NCOA6: variants seen among roughly 807,000 people sequenced by gnomAD.
NCOA6 encodes the protein NRC RAP250.
In NCOA6, 49 loss-of-function variants were observed where a neutral mutation model predicts 171.4. That is an observed-to-expected ratio of 0.29 (90% CI 0.23 to 0.36). NCOA6 has a LOEUF of 0.36. NCOA6 is among the 10% of genes least tolerant of loss of function. The probability of loss-of-function intolerance (pLI) is 1.00; values close to 1 mark genes in which losing one functional copy is unlikely to be tolerated. For missense variants in NCOA6, 2,248 were observed against 2,554.5 expected, an observed-to-expected ratio of 0.88 and a Z score of 2.59; for synonymous variants, 910 against 927.5, an observed-to-expected ratio of 0.98 and a Z score of 0.34.
At chr20:34,774,807 T>TTTATAACA (rs1292721867) in intron 4 of NCOA6, among the ~76,000 whole-genome samples, 2 of 152,284 alleles carry the variant, frequency 1.3e-5, no homozygotes, top group African/African-American at 4.8e-5. Flanking sequence ...CTCTTCCGAG[T>TTTATAACA]TTATAACAAT....
At chr20:34,749,372 T>C in intron 9 of NCOA6, 31 bp downstream of exon 9, 7 of 1,556,664 alleles carry the variant, frequency 4.5e-6, no homozygotes, top group Non-Finnish European at 6.1e-6. Flanking sequence ...AACAAATGAA[T>C]AAAATTTGAG....
intron 1 of NCOA6, 142 bp downstream of exon 1, chr20:34,825,330 C>T (rs1270867760): frequency 2.7e-5 from 4 of 149,352 alleles, no homozygotes; most frequent in Non-Finnish European, 6.0e-5. Context: ...CGGGCCCGCT[C>T]TCAGACCGTG....
chr20:34,732,755 C>T, intron 12 of NCOA6, 160 bp from the exon 13 acceptor site: 2 of 565,540 alleles, frequency 3.5e-6, no homozygotes, highest in Non-Finnish European at 6.2e-6. Flanking sequence ...GGCACAGATA[C>T]AACTTGGTTT....
chr20:34,761,611 T>A (rs2076820422), intron 5 of NCOA6, among the ~76,000 whole-genome samples: 1 of 152,174 alleles, frequency 6.6e-6, no homozygotes, highest in African/African-American at 2.4e-5. Context: ...TTTCCATTTA[T>A]GCTTGGAAAT....
intron 12 of NCOA6, 46 bp from the exon 13 acceptor site, chr20:34,732,641 C>T (rs369696191): frequency 5.8e-6 from 9 of 1,548,832 alleles, no homozygotes; most frequent in Middle Eastern, 1.7e-4. Flanking sequence ...GGAGCTGCCA[C>T]AGAGAGAAGC....
intron 13 of NCOA6, 110 bp from the exon 14 acceptor site, chr20:34,727,517 G>T: frequency 8.3e-7 from 1 of 1,198,694 alleles, no homozygotes; most frequent in Non-Finnish European, 1.2e-6. Context: ...GAACTATATA[G>T]TTATTCTGGA....
rs2076691456 is a variant in NCOA6 at position 34,757,886 on chromosome 20, C to G, written c.862G>C (p.Ala288Pro). The G allele has an allele frequency of 6.2e-7, 1 of 1,613,754 alleles. No homozygotes were observed. The highest frequency in any genetic ancestry group is 8.5e-7 in the Non-Finnish European group (1 of 1,179,952). The change falls in exon 7 of 15, where the codon GCA becomes CCA. Residue 288 changes from alanine (A) to proline (P), a missense_variant. This residue lies in a region of NCOA6 where 987 missense variants were observed against 1,104.7 expected (regional missense o/e 0.89). Transcript: ENST00000359003. ...TGCTGATGTTGCTGTGGGGGTCTTG[C>G]CTGCAACTGTTGTTGCTGCTGTTGC... is the stretch of plus-strand genomic sequence containing the variant. ...QQQQQQQQLQ[A>P]RPPQQHQQQQ... is the part of the protein sequence containing the mutation.
At chr20:34,743,581 A>G (rs3787223) in intron 10 of NCOA6, among the ~76,000 whole-genome samples, 128,175 of 152,048 alleles carry the variant, frequency 0.84, 54,215 homozygotes, top group Admixed American at 0.91. Context: ...GGTGTGTAGG[A>G]TCTGAATGAG....
At chr20:34,739,022 T>C in intron 11 of NCOA6, 1 of 439,922 alleles carries the variant, frequency 2.3e-6, no homozygotes, top group Admixed American at 2.4e-5. Context: ...GACTCCACTC[T>C]GGGGAAATAG....
At chr20:34,736,133 C>T (rs1479099467) in intron 12 of NCOA6, among the ~76,000 whole-genome samples, 1 of 152,114 alleles carries the variant, frequency 6.6e-6, no homozygotes, top group Non-Finnish European at 1.5e-5. Context: ...ACCATGGGAT[C>T]CTACTTCCAG....
intron 8 of NCOA6, among the ~76,000 whole-genome samples, chr20:34,751,861 C>T (rs2076498445): frequency 1.3e-5 from 2 of 152,018 alleles, no homozygotes; most frequent in Non-Finnish European, 2.9e-5. Flanking sequence ...TTAATTTTGT[C>T]CCTTTTATTT....
At chr20:34,786,148 C>T (rs1205392293) in intron 2 of NCOA6, among the ~76,000 whole-genome samples, 1 of 152,126 alleles carries the variant, frequency 6.6e-6, no homozygotes, top group African/African-American at 2.4e-5. Context: ...TTATAGTATT[C>T]TCTGATGGTT....
At chr20:34,802,668 A>G (rs59417433) in intron 1 of NCOA6, among the ~76,000 whole-genome samples, 4,394 of 152,306 alleles carry the variant, frequency 0.029, 225 homozygotes, top group African/African-American at 0.1. Context: ...TATTGGTTAC[A>G]TATTAAAATA....
At position 34,758,830 on chromosome 20, in the gene NCOA6, C is replaced by T; in HGVS notation, c.618G>A (p.Arg206=). The change falls in exon 6 of 15, where the codon AGG becomes AGA. Residue 206 remains arginine, a synonymous_variant. Coordinates refer to ENST00000359003, the MANE Select transcript of NCOA6 (RefSeq NM_014071.5). The part of the protein sequence containing the change: ...APGPNPELQP[R]TPRPASQSDA... ...CTGACTGAGAAGCAGGGCGAGGAGTCCTGGGCTGCAGCTCTGGATTGGGGC... is the reference window on the plus strand; with the variant it reads ...CTGACTGAGAAGCAGGGCGAGGAGTTCTGGGCTGCAGCTCTGGATTGGGGC... The T allele has an allele frequency of 6.2e-7, 1 of 1,613,114 alleles. No homozygotes were observed. Among genetic ancestry groups the T allele is most frequent in the Non-Finnish European group, 8.5e-7 (1 of 1,179,766 alleles).
chr20:34,758,107 G>A lies in NCOA6; in HGVS notation c.644-3C>T. 1 of 1,596,676 alleles carries A rather than the reference G, an allele frequency of 6.3e-7. No individual in the cohort carries two copies. Among genetic ancestry groups the A allele is most frequent in the Non-Finnish European group, 8.6e-7 (1 of 1,169,088 alleles). On this transcript the variant is annotated splice_region_variant and splice_polypyrimidine_tract_variant and intron_variant, in intron 6 of 14. Transcript: ENST00000359003. ...AGAGAGGAGTGGATCCATTGCATCT[G>A]TTTAAAGATAGTCAACAAAGCAATA...
At position 34,714,996 on chromosome 20, in the gene NCOA6, ACAT is replaced by A. The variant is rs16440; in HGVS notation, c.*323_*325del. The A allele has an allele frequency of 0.45, 121,006 of 269,568 alleles. 27,271 individuals carry two copies. Among genetic ancestry groups the A allele is most frequent in the Admixed American group, 0.62 (12,396 of 20,104 alleles). The allele number at this position is 269,568 out of a possible 1,614,324, so 16.7% of individuals were successfully genotyped here. ...ACACACAGTACTTCCACGGCACAAT[ACAT>A]CATTAGGAGATCTAAAAATGCTCAC... On this transcript the variant is annotated 3_prime_UTR_variant, in exon 15 of 15. Transcript: ENST00000359003.
rs553425667 is a variant in NCOA6 at position 34,810,047 on chromosome 20, T to C, written c.-164+15425A>G. On this transcript the variant is annotated intron_variant, in intron 1 of 14. Coordinates refer to ENST00000359003, the MANE Select transcript of NCOA6 (RefSeq NM_014071.5). The stretch of plus-strand genomic sequence containing the variant: ...TTTTATTAAGGAAAGCTTATAATCA[T>C]CAAAGAGGCTCAATATACTTTTGAA... Among the ~76,000 whole-genome samples the C allele has an allele frequency of 3.9e-5, 6 of 152,344 alleles. No individual in the cohort carries two copies. The South Asian group carries it at 1.2e-3, about 32-fold the overall frequency.
chr20:34,715,038 C>T lies in NCOA6; in HGVS notation c.*284G>A. 2.6e-6 allele frequency: 1 copy of T among 382,298 alleles called. No individual in the cohort carries two copies. Among genetic ancestry groups the T allele is most frequent in the South Asian group, 2.4e-5 (1 of 41,240 alleles). 23.7% of individuals were successfully genotyped at this position (382,298 alleles called of 1,614,324 possible). A position where few individuals can be genotyped will look rare whatever the true frequency, so the allele number is the denominator to read the frequency against. ...AAAAATGCTCACCCTGTACTCTAGG[C>T]TGCTTAGGAAATGTGAAAACTAGTA... On this transcript the variant is annotated 3_prime_UTR_variant, in exon 15 of 15. Transcript: ENST00000359003.
chr20:34,799,333 T>C (rs2146437692), intron 1 of NCOA6, among the ~76,000 whole-genome samples: 1 of 152,186 alleles, frequency 6.6e-6, no homozygotes, highest in African/African-American at 2.4e-5. Flanking sequence ...CAAGATCTAT[T>C]AACAGAAAAT....
Sources: allele counts gnomAD v4.1 joint callset (sites outside exome capture counted in the v4.1 genomes callset), GRCh38; gene constraint gnomAD v4.1.1; regional missense constraint gnomAD v4.1.1; transcripts MANE v1.5; gene names NCBI Gene and HGNC (gene_info 2026-07-23, HGNC 2026-07-21).